The following NALCN variants were observed in gnomAD, a reference collection of about 807,000 sequenced individuals.
NALCN encodes the protein sodium leak channel NALCN.
A neutral mutation model predicts 225.3 loss-of-function variants in NALCN; 111 were observed. The observed-to-expected ratio is 0.49, with a 90% CI of 0.42 to 0.58. The LOEUF (loss-of-function observed/expected upper bound fraction) is 0.58, where lower values mean the gene tolerates loss of function less well. NALCN is among the 20% of genes least tolerant of loss of function. The probability of loss-of-function intolerance (pLI) is 0.00; values close to 1 mark genes in which losing one functional copy is unlikely to be tolerated. For synonymous variants in NALCN, 764 were observed against 769.0 expected, an observed-to-expected ratio of 0.99 and a Z score of 0.11; for missense variants, 1,378 against 2,202.4, an observed-to-expected ratio of 0.63 and a Z score of 7.49.
chr13:101,252,896 AAAG>A (rs66845668), intron 11 of NALCN, among the ~76,000 whole-genome samples: 47,098 of 151,830 alleles, frequency 0.31, 7,847 homozygotes, highest in Non-Finnish European at 0.38. Flanking sequence ...AATTGAGATA[AAAG>A]AAGATAAAGC....
At chr13:101,331,832 C>G (rs1182016484) in intron 7 of NALCN, among the ~76,000 whole-genome samples, 1 of 152,164 alleles carries the variant, frequency 6.6e-6, no homozygotes, top group South Asian at 2.1e-4. Flanking sequence ...GCATGAACAA[C>G]AGCTGTGCCT....
Position 101,075,917 on chromosome 13 carries a change from C to A in NALCN, c.3910G>T (p.Ala1304Ser). The A allele has an allele frequency of 6.2e-7, 1 of 1,610,192 alleles. No homozygotes were observed. Among genetic ancestry groups the A allele is most frequent in the South Asian group, 1.1e-5 (1 of 90,172 alleles). The change falls in exon 35 of 44, where the codon GCT becomes TCT. Residue 1304 changes from alanine (A) to serine (S), a missense_variant. Around this residue, in one of 19 missense-constraint regions of NALCN, gnomAD observed 98 missense variants for 156.6 expected, o/e 0.63. Transcript: ENST00000251127. The part of the protein sequence containing the change: ...LLNAYTYMMG[A>S]CVIVFRFFSI... ...AAAAACCTAAATACAATCACACAAG[C>A]GCCCATCATGTAAGTATATGCATTC...
At chr13:101,346,561 T>A (rs892615009) in intron 6 of NALCN, among the ~76,000 whole-genome samples, 2 of 152,154 alleles carry the variant, frequency 1.3e-5, no homozygotes, top group African/African-American at 4.8e-5. Context: ...GAACTCAAGG[T>A]ATCCCATAGG....
intron 15 of NALCN, among the ~76,000 whole-genome samples, chr13:101,152,316 G>A (rs1419957428): frequency 2.0e-5 from 3 of 152,166 alleles, no homozygotes; most frequent in Non-Finnish European, 4.4e-5. Flanking sequence ...ATGAAGAGAA[G>A]CTCTGTTTTC....
intron 13 of NALCN, among the ~76,000 whole-genome samples, chr13:101,198,814 T>A (rs549594359): frequency 6.6e-6 from 1 of 152,212 alleles, no homozygotes; most frequent in Non-Finnish European, 1.5e-5. Context: ...GGATTATAAA[T>A]CATTCTGCTA....
chr13:101,294,932 T>C (rs1027501743), intron 7 of NALCN, among the ~76,000 whole-genome samples: 2 of 152,070 alleles, frequency 1.3e-5, no homozygotes, highest in South Asian at 2.1e-4. Context: ...AAACAATCCA[T>C]AGAAACAGGA....
At chr13:101,075,102 C>A (rs570897699) in intron 35 of NALCN, among the ~76,000 whole-genome samples, 27 of 151,870 alleles carry the variant, frequency 1.8e-4, no homozygotes, top group Non-Finnish European at 2.6e-4. Context: ...TACTAAATAA[C>A]TATCAAATAT....
chr13:101,214,369 C>T (rs955598264), intron 13 of NALCN, among the ~76,000 whole-genome samples: 1 of 152,000 alleles, frequency 6.6e-6, no homozygotes, highest in Non-Finnish European at 1.5e-5. Flanking sequence ...GGGTGCAGCA[C>T]ACCAACATGG....
chr13:101,141,940 C>T (rs371631873), intron 17 of NALCN, among the ~76,000 whole-genome samples: 1 of 152,044 alleles, frequency 6.6e-6, no homozygotes, highest in Admixed American at 6.6e-5. Context: ...TTTGCAAACT[C>T]TACTGTTTAA....
chr13:101,247,177 G>T (rs1029681534), intron 11 of NALCN, among the ~76,000 whole-genome samples: 1 of 152,142 alleles, frequency 6.6e-6, no homozygotes, highest in South Asian at 2.1e-4. Flanking sequence ...ACTAGAATGG[G>T]TTTCTCTGCT....
intron 15 of NALCN, among the ~76,000 whole-genome samples, chr13:101,171,949 C>T (rs138709697): frequency 1.6e-3 from 240 of 152,280 alleles, no homozygotes; most frequent in African/African-American, 5.6e-3. Context: ...AACAGTGCTG[C>T]CACTTAGAAT....
intron 6 of NALCN, among the ~76,000 whole-genome samples, chr13:101,360,049 CTTTT>C (rs2046184579): frequency 6.8e-6 from 1 of 147,222 alleles, no homozygotes; most frequent in Non-Finnish European, 1.5e-5. Flanking sequence ...CTCAGTTTTT[CTTTT>C]TCTCTTTCTT....
chr13:101,220,895 G>T (rs997122678), intron 13 of NALCN, among the ~76,000 whole-genome samples: 72 of 151,880 alleles, frequency 4.7e-4, no homozygotes, highest in African/African-American at 1.7e-3. Context: ...TGTCATCTTT[G>T]TATATTATTT....
chr13:101,273,309 C>G (rs1296054646), intron 10 of NALCN, among the ~76,000 whole-genome samples: 1 of 152,184 alleles, frequency 6.6e-6, no homozygotes, highest in African/African-American at 2.4e-5. Context: ...TGACCCTTCC[C>G]ACAGCTATGG....
At chr13:101,330,242 C>G (rs1753284278) in intron 7 of NALCN, among the ~76,000 whole-genome samples, 3 of 151,970 alleles carry the variant, frequency 2.0e-5, no homozygotes, top group Non-Finnish European at 4.4e-5. Context: ...GCTACATGAG[C>G]AAACTATCCA....
At chr13:101,213,416 G>A (rs577162299) in intron 13 of NALCN, among the ~76,000 whole-genome samples, 14 of 152,214 alleles carry the variant, frequency 9.2e-5, no homozygotes, top group East Asian at 5.8e-4. Flanking sequence ...AACACCCAAC[G>A]CAATGGCAAC....
At chr13:101,297,750 G>A (rs1430667510) in intron 7 of NALCN, among the ~76,000 whole-genome samples, 1 of 152,164 alleles carries the variant, frequency 6.6e-6, no homozygotes. Context: ...CTTCCAATCT[G>A]ATCTACTGTT....
intron 13 of NALCN, among the ~76,000 whole-genome samples, chr13:101,228,911 A>G (rs773203910): frequency 6.6e-6 from 1 of 152,128 alleles, no homozygotes; most frequent in Admixed American, 6.6e-5. Flanking sequence ...CTTCCTTTTT[A>G]GCTTAAGTGA....
Position 101,337,922 on chromosome 13 carries a change from T to C in NALCN, c.799+7344A>G, listed in dbSNP as rs557404668. ...CTGGGAGAGTTCATTCTTGCTTATC[T>C]CATTCTCCCCACTCATCAGCTGAGG... is the stretch of plus-strand genomic sequence containing the variant. On this transcript the variant is annotated intron_variant, in intron 7 of 43. Coordinates refer to ENST00000251127, the MANE Select transcript of NALCN (RefSeq NM_052867.4). Among the ~76,000 whole-genome samples, 195 of 152,288 alleles carry C rather than the reference T, an allele frequency of 1.3e-3. 1 individual carries two copies. Among genetic ancestry groups the C allele is most frequent in the Middle Eastern group, 6.8e-3 (2 of 294 alleles).
Sources: allele counts gnomAD v4.1 joint callset (sites outside exome capture counted in the v4.1 genomes callset), GRCh38; gene constraint gnomAD v4.1.1; regional missense constraint gnomAD v4.1.1; transcripts MANE v1.5; gene names NCBI Gene and HGNC (gene_info 2026-07-23, HGNC 2026-07-21).